The following ADAM7 variants were observed in gnomAD, a reference collection of about 807,000 sequenced individuals.
ADAM7 encodes the protein disintegrin and metalloproteinase domain-containing protein 7.
ADAM7 carries 97 observed loss-of-function variants against 102.9 expected under a neutral mutation model. The observed-to-expected ratio is 0.94, with a 90% CI of 0.80 to 1.12. ADAM7 has a LOEUF of 1.12. Among genes scored for constraint, ADAM7 ranks in the 50% most tolerant of loss-of-function variants. The pLI is 0.00. For synonymous variants in ADAM7, 334 were observed against 304.4 expected (o/e 1.10, Z -1.01); for missense variants, 991 against 908.7 (o/e 1.09, Z -1.16).
At chr8:24,508,301 C>T (rs892557154) in intron 21 of ADAM7, among the ~76,000 whole-genome samples, 1 of 152,062 alleles carries the variant, frequency 6.6e-6, no homozygotes, top group African/African-American at 2.4e-5. Flanking sequence ...CTCCTTAGTG[C>T]CAGCAAACTG....
At chr8:24,486,963 C>G (rs1820164555) in intron 10 of ADAM7, among the ~76,000 whole-genome samples, 2 of 152,106 alleles carry the variant, frequency 1.3e-5, no homozygotes, top group Admixed American at 1.3e-4. Flanking sequence ...GAAAGAATTT[C>G]AAATGTTAGA....
intron 8 of ADAM7, among the ~76,000 whole-genome samples, chr8:24,477,231 TG>T (rs1414921558): frequency 6.6e-6 from 1 of 152,226 alleles, no homozygotes; most frequent in Non-Finnish European, 1.5e-5. Flanking sequence ...GTAGGAATAC[TG>T]GGTCATATGG....
intron 7 of ADAM7, among the ~76,000 whole-genome samples, chr8:24,476,159 A>T (rs920901385): frequency 1.8e-4 from 28 of 152,218 alleles, no homozygotes; most frequent in Admixed American, 2.6e-4. Flanking sequence ...AATTAATGCA[A>T]TGTAGTACAA....
chr8:24,445,367 A>G (rs180843592), intron 2 of ADAM7, among the ~76,000 whole-genome samples: 17 of 152,336 alleles, frequency 1.1e-4, no homozygotes, highest in Admixed American at 1.0e-3. Context: ...CACACTTAAC[A>G]TTGAATAAAC....
Position 24,506,753 on chromosome 8 carries a change from G to GCACACA in ADAM7, c.2209-694_2209-689dup, listed in dbSNP as rs71549838. On this transcript the variant is annotated intron_variant, in intron 20 of 21. Coordinates refer to ENST00000175238, the MANE Select transcript of ADAM7 (RefSeq NM_003817.4). ...CACATGCATTAGAGACTGAGTCAAAGCACACACACACACACACACACACAC... is the reference window on the plus strand; with the variant it reads ...CACATGCATTAGAGACTGAGTCAAAGCACACACACACACACACACACACACACACAC... Among the ~76,000 whole-genome samples the GCACACA allele has an allele frequency of 3.9e-3, 565 of 144,286 alleles. 2 individuals are homozygous for GCACACA. The highest frequency in any genetic ancestry group is 5.8e-3 in the African/African-American group (225 of 38,988). 94.7% of individuals were successfully genotyped at this position (144,286 alleles called of 152,430 possible). A position where few individuals can be genotyped will look rare whatever the true frequency, so the allele number is the denominator to read the frequency against.
rs770723062 is a variant in ADAM7, at chr8:24,499,311, A to C, written c.1918A>C (p.Asn640His). The C allele has an allele frequency of 2.2e-5, 35 of 1,598,202 alleles. No individual in the cohort carries two copies. The highest frequency in any genetic ancestry group is 2.8e-5 in the Non-Finnish European group (33 of 1,172,532). The change falls in exon 17 of 22, where the codon AAT (asparagine) becomes CAT (histidine). Residue 640 changes from asparagine to histidine, a missense_variant. Asn to His is a moderately conservative substitution (Grantham distance 68). Transcript: ENST00000175238. Reference protein sequence around the residue: ...STNCPSQCNENPVDGHGLQCH... With the variant: ...STNCPSQCNEHPVDGHGLQCH... ...CAATTGCCCCTCTCAGTGCAATGAAAATCCTGTAAGATATGACTGCTTTCA... is the reference window on the plus strand; with the variant it reads ...CAATTGCCCCTCTCAGTGCAATGAACATCCTGTAAGATATGACTGCTTTCA...
At chr8:24,460,767 GTATATA>G (rs35152262) in intron 3 of ADAM7, among the ~76,000 whole-genome samples, 3 of 44,466 alleles carry the variant, frequency 6.7e-5, no homozygotes, top group African/African-American at 1.7e-4. Context: ...GTGTGTGTGT[GTATATA>G]TATATATATA....
chr8:24,441,384 T>A (rs538780868), intron 1 of ADAM7, among the ~76,000 whole-genome samples: 39 of 152,346 alleles, frequency 2.6e-4, no homozygotes, highest in African/African-American at 9.4e-4. Context: ...AGTGGACAAG[T>A]ACTGCATATC....
intron 15 of ADAM7, among the ~76,000 whole-genome samples, chr8:24,492,802 A>G (rs1025802189): frequency 3.3e-5 from 5 of 152,212 alleles, no homozygotes; most frequent in Admixed American, 3.3e-4. Flanking sequence ...TTAAGCCAGT[A>G]TTGACTTGTG....
intron 4 of ADAM7, 42 bp from the exon 5 acceptor site, chr8:24,465,657 C>A: frequency 4.0e-6 from 5 of 1,243,222 alleles, no homozygotes; most frequent in South Asian, 3.3e-5. Context: ...TATATAAAAT[C>A]AATATTTATA....
intron 3 of ADAM7, among the ~76,000 whole-genome samples, chr8:24,460,747 ATG>A (rs1819210765): frequency 9.1e-6 from 1 of 109,832 alleles, no homozygotes; most frequent in Non-Finnish European, 1.9e-5. Flanking sequence ...ATATATATGT[ATG>A]TATGTGTGTG....
chr8:24,457,923 T>C (rs1182453651), intron 3 of ADAM7, among the ~76,000 whole-genome samples: 4 of 151,956 alleles, frequency 2.6e-5, no homozygotes, highest in Non-Finnish European at 4.4e-5. Flanking sequence ...TTCTTGTTTT[T>C]CCCTATTTAT....
chr8:24,478,407 C>A (rs1263607146), intron 8 of ADAM7, among the ~76,000 whole-genome samples: 1 of 152,130 alleles, frequency 6.6e-6, no homozygotes, highest in Non-Finnish European at 1.5e-5. Flanking sequence ...TAAGTTAGGT[C>A]TACCCACAGT....
rs1820373360 is a variant in ADAM7 at position 24,491,917 on chromosome 8, G to A, written c.1371G>A (p.Gly457=). The A allele has an allele frequency of 6.2e-7, 1 of 1,610,552 alleles. No homozygotes were observed. Among genetic ancestry groups the A allele is most frequent in the South Asian group, 1.1e-5 (1 of 90,480 alleles). ...CCESCQIKKA[G]SICRPAKDEC... is the part of the protein sequence containing the mutation. Reference sequence around the variant, plus strand: ...TTCCTCAACAGATAAAAAAAGCAGGGTCCATATGCAGACCGGCGAAAGATG... The same window carrying A: ...TTCCTCAACAGATAAAAAAAGCAGGATCCATATGCAGACCGGCGAAAGATG... The change falls in exon 14 of 22, where the codon GGG becomes GGA. Residue 457 remains glycine, a synonymous_variant. Coordinates refer to ENST00000175238, the MANE Select transcript of ADAM7 (RefSeq NM_003817.4).
chr8:24,479,672 G>A (rs1308426789), intron 8 of ADAM7, among the ~76,000 whole-genome samples: 1 of 152,020 alleles, frequency 6.6e-6, no homozygotes, highest in Non-Finnish European at 1.5e-5. Flanking sequence ...TCTCCATAGG[G>A]CTCTGCATTC....
intron 7 of ADAM7, chr8:24,475,953 C>T (rs1819754969): frequency 2.2e-6 from 1 of 456,468 alleles, no homozygotes; most frequent in Non-Finnish European, 4.4e-6. Context: ...CTACAGTTTC[C>T]TGTCCCTCTT....
At position 24,468,674 on chromosome 8, in the gene ADAM7, T is replaced by C. The variant is rs1014670638; in HGVS notation, c.580-93T>C. 5.4e-6 allele frequency: 6 copies of C among 1,109,638 alleles called. No homozygotes were observed. In the African/African-American group the frequency reaches 9.3e-5, roughly 17 times the overall value. The allele number at this position is 1,109,638 out of a possible 1,614,324, so 68.7% of individuals were successfully genotyped here. A position where few individuals can be genotyped will look rare whatever the true frequency, so the allele number is the denominator to read the frequency against. ...ATTTTGTATCAATATCAACATTTCT[T>C]ACCTTGAAAATACTAGGATTTTTTT... is the stretch of plus-strand genomic sequence containing the variant. On this transcript the variant is annotated intron_variant, in intron 6 of 21. Transcript: ENST00000175238.
chr8:24,453,438 C>G (rs1164832133), intron 3 of ADAM7, among the ~76,000 whole-genome samples: 1 of 152,200 alleles, frequency 6.6e-6, no homozygotes, highest in African/African-American at 2.4e-5. Flanking sequence ...TCCAATTGAT[C>G]ACATCGGCTC....
intron 20 of ADAM7, among the ~76,000 whole-genome samples, chr8:24,503,058 G>T (rs1454762430): frequency 6.6e-6 from 1 of 152,002 alleles, no homozygotes; most frequent in Non-Finnish European, 1.5e-5. Context: ...AAGTATTACT[G>T]CAATAATGCA....
Sources: allele counts gnomAD v4.1 joint callset (sites outside exome capture counted in the v4.1 genomes callset), GRCh38; gene constraint gnomAD v4.1.1; transcripts MANE v1.5; gene names NCBI Gene and HGNC (gene_info 2026-07-23, HGNC 2026-07-21).